Variants in FTO observed in about 807,000 individuals in gnomAD.
The protein encoded by FTO is alpha-ketoglutarate-dependent dioxygenase FTO.
FTO carries 47 observed loss-of-function variants against 63.9 expected under a neutral mutation model. The ratio of observed to expected loss-of-function variants is 0.74; its 90% CI spans 0.58 to 0.94. FTO has a LOEUF of 0.94. Ranked by LOEUF, FTO falls within the 40% of genes least tolerant of loss-of-function variation. FTO has a pLI of 0.00. For synonymous variants in FTO, 207 were observed against 224.4 expected (o/e 0.92, Z 0.69); for missense variants, 562 against 618.1 (o/e 0.91, Z 0.96).
chr16:53,991,310 A>C (rs1403406183), intron 8 of FTO: 1 of 152,182 alleles, frequency 6.6e-6, no homozygotes, highest in African/African-American at 2.4e-5. Flanking sequence ...AAGCACTGTT[A>C]ATTGTTAAGC....
intron 1 of FTO, among the ~76,000 whole-genome samples, chr16:53,760,208 GTGTGTGT>G (rs1567962664): frequency 3.0e-4 from 4 of 13,448 alleles, no homozygotes; most frequent in African/African-American, 5.4e-4. Context: ...CAGCTTTGGT[GTGTGTGT>G]GTGTGTGTGT....
intron 1 of FTO, among the ~76,000 whole-genome samples, chr16:53,745,914 C>T (rs1567950174): frequency 6.6e-6 from 1 of 151,858 alleles, no homozygotes; most frequent in Non-Finnish European, 1.5e-5. Context: ...CCAGCCTGGG[C>T]AATCTAAGGA....
chr16:54,057,611 G>A (rs932424972), intron 8 of FTO, among the ~76,000 whole-genome samples: 17 of 151,740 alleles, frequency 1.1e-4, no homozygotes, highest in Admixed American at 5.3e-4. Flanking sequence ...CTATGGGCAC[G>A]GGCCACCACG....
intron 6 of FTO, among the ~76,000 whole-genome samples, chr16:53,885,251 T>C (rs1398928700): frequency 6.6e-6 from 1 of 152,214 alleles, no homozygotes; most frequent in East Asian, 1.9e-4. Flanking sequence ...TTTTTTTGCC[T>C]TCTTAATTAA....
chr16:53,770,692 A>G (rs1173650895), intron 1 of FTO, among the ~76,000 whole-genome samples: 1 of 152,082 alleles, frequency 6.6e-6, no homozygotes, highest in Admixed American at 6.6e-5. Flanking sequence ...TACTGCTGTG[A>G]TATCCAAGAA....
intron 1 of FTO, among the ~76,000 whole-genome samples, chr16:53,714,403 T>C (rs1181610129): frequency 6.6e-6 from 1 of 152,208 alleles, no homozygotes; most frequent in African/African-American, 2.4e-5. Flanking sequence ...GCTGCATTAA[T>C]ATGGATTTTC....
intron 7 of FTO, among the ~76,000 whole-genome samples, chr16:53,930,463 T>TCCACC (rs1270697068): frequency 2.6e-5 from 4 of 152,018 alleles, no homozygotes; most frequent in Non-Finnish European, 5.9e-5. Flanking sequence ...GATCTTGTGA[T>TCCACC]CCACCCATCT....
chr16:54,041,875 G>C (rs1184645324), intron 8 of FTO, among the ~76,000 whole-genome samples: 1 of 152,196 alleles, frequency 6.6e-6, no homozygotes, highest in African/African-American at 2.4e-5. Context: ...TGCCCGATGT[G>C]CTGATGATAC....
chr16:53,899,891 T>C (rs1037653362), intron 7 of FTO, among the ~76,000 whole-genome samples: 1 of 152,236 alleles, frequency 6.6e-6, no homozygotes, highest in African/African-American at 2.4e-5. Flanking sequence ...GAACTATTAT[T>C]GCTTATCTGA....
At chr16:53,995,745 G>T (rs1325876121) in intron 8 of FTO, among the ~76,000 whole-genome samples, 3 of 152,168 alleles carry the variant, frequency 2.0e-5, no homozygotes, top group African/African-American at 7.2e-5. Flanking sequence ...GGTGCATAGA[G>T]GTCTCTTGAT....
At chr16:53,797,260 A>G (rs1443883845) in intron 1 of FTO, among the ~76,000 whole-genome samples, 2 of 152,240 alleles carry the variant, frequency 1.3e-5, no homozygotes, top group African/African-American at 2.4e-5. Flanking sequence ...CCTAATGTCC[A>G]TAAGTTTAAT....
intron 4 of FTO, among the ~76,000 whole-genome samples, chr16:53,851,453 C>T (rs925294505): frequency 5.6e-5 from 8 of 143,870 alleles, no homozygotes; most frequent in African/African-American, 1.6e-4. Flanking sequence ...AGTGAGACTC[C>T]GTCTCAAAAA....
At chr16:53,877,622 A>G (rs1369246305) in intron 5 of FTO, among the ~76,000 whole-genome samples, 1 of 152,070 alleles carries the variant, frequency 6.6e-6, no homozygotes, top group Non-Finnish European at 1.5e-5. Flanking sequence ...TCTAAAATTA[A>G]TTGTAGTGAT....
Position 53,856,177 on chromosome 16 carries a change from G to T in FTO, c.895+11879G>T, listed in dbSNP as rs1054544040. On this transcript the variant is annotated intron_variant, in intron 4 of 8. Coordinates refer to ENST00000471389, the MANE Select transcript of FTO (RefSeq NM_001080432.3). ...CTGTAAAGACAGTGGAAGAATGACT[G>T]TGAATGATGCCATTATTTTTTTCAG... Among the ~76,000 whole-genome samples the T allele has an allele frequency of 5.5e-4, 83 of 151,998 alleles. 1 individual carries two copies. The highest frequency in any genetic ancestry group is 1.3e-4 in the Admixed American group (2 of 15,252).
At chr16:54,087,186 A>G (rs918627779) in intron 8 of FTO, among the ~76,000 whole-genome samples, 34 of 152,232 alleles carry the variant, frequency 2.2e-4, no homozygotes, top group African/African-American at 7.7e-4. Context: ...AGTTACTTAG[A>G]AAACAAGCGT....
At chr16:53,769,855 T>C (rs1416887760) in intron 1 of FTO, among the ~76,000 whole-genome samples, 1 of 152,162 alleles carries the variant, frequency 6.6e-6, no homozygotes, top group Non-Finnish European at 1.5e-5. Flanking sequence ...TGAAGGAGGC[T>C]CTGCCATCTT....
intron 7 of FTO, among the ~76,000 whole-genome samples, chr16:53,900,653 T>C (rs2081383960): frequency 7.1e-6 from 1 of 141,040 alleles, no homozygotes; most frequent in Non-Finnish European, 1.5e-5. Flanking sequence ...AGTGTGGAGT[T>C]ATACAAAGAG....
chr16:53,844,130 T>C, intron 3 of FTO, 25 bp from the exon 4 acceptor site: 1 of 1,605,604 alleles, frequency 6.2e-7, no homozygotes, highest in Non-Finnish European at 8.5e-7. Flanking sequence ...ATTTCCTTTC[T>C]GATCATTTTC....
intron 8 of FTO, chr16:53,992,217 T>A (rs1407813909): frequency 6.6e-6 from 1 of 152,252 alleles, no homozygotes; most frequent in Non-Finnish European, 1.5e-5. Context: ...CAAATGTGCC[T>A]GGTGGGGACT....
Sources: allele counts gnomAD v4.1 joint callset (sites outside exome capture counted in the v4.1 genomes callset), GRCh38; gene constraint gnomAD v4.1.1; transcripts MANE v1.5; gene names NCBI Gene and HGNC (gene_info 2026-07-23, HGNC 2026-07-21).